CHD9: variants seen among roughly 807,000 people sequenced by gnomAD.
CHD9 encodes the protein ATP-dependent chromatin remodeler CHD9.
CHD9 carries 77 observed loss-of-function variants against 316.1 expected under a neutral mutation model. That is an observed-to-expected ratio of 0.24 (90% CI 0.20 to 0.29). The LOEUF (loss-of-function observed/expected upper bound fraction) is 0.29, where lower values mean the gene tolerates loss of function less well. Ranked by LOEUF, CHD9 falls within the 10% of genes least tolerant of loss-of-function variation. CHD9 has a pLI of 1.00. For missense variants in CHD9, 2,763 were observed against 3,438.1 expected, an observed-to-expected ratio of 0.80 and a Z score of 4.91; for synonymous variants, 1,129 against 1,158.3, an observed-to-expected ratio of 0.97 and a Z score of 0.51.
Position 53,316,055 on chromosome 16 carries a change from A to G in CHD9, c.7584+1011A>G, listed in dbSNP as rs543249921. The stretch of plus-strand genomic sequence containing the variant: ...TCAGGAGTCTGAGACCAGCCTGGCC[A>G]CAGGCCACCACATCCAGCTAATTTT... On this transcript the variant is annotated intron_variant, in intron 36 of 38. Coordinates refer to ENST00000447540, the MANE Select transcript of CHD9 (RefSeq NM_001308319.2). Among the ~76,000 whole-genome samples the G allele has an allele frequency of 2.0e-5, 3 of 152,216 alleles. No homozygotes were observed. The South Asian group carries it at 6.2e-4, about 32-fold the overall frequency.
Position 53,208,724 on chromosome 16 carries a change from A to G in CHD9, c.1453-758A>G, listed in dbSNP as rs887784537. 5 of 985,650 alleles carry G rather than the reference A, an allele frequency of 5.1e-6. No homozygotes were observed. The African/African-American group carries it at 8.7e-5, about 17-fold the overall frequency. The allele number at this position is 985,650 out of a possible 1,614,324, so 61.1% of individuals were successfully genotyped here. ...CATGTTTACGGGTAAGAACATAACA[A>G]AACTGTGATCTAAGTATATGTGGAT... On this transcript the variant is annotated intron_variant, in intron 2 of 38. Transcript: ENST00000447540.
At chr16:53,067,538 A>G (rs1026190632) in intron 1 of CHD9, among the ~76,000 whole-genome samples, 5 of 151,948 alleles carry the variant, frequency 3.3e-5, no homozygotes, top group African/African-American at 7.3e-5. Context: ...GACATTTTCT[A>G]TGAATTTTCT....
intron 1 of CHD9, among the ~76,000 whole-genome samples, chr16:53,057,000 T>C (rs992120989): frequency 3.9e-5 from 6 of 151,930 alleles, no homozygotes; most frequent in African/African-American, 1.5e-4. Context: ...TTATACACAT[T>C]GAATAATTCT....
At chr16:53,318,709 T>C (rs1342331130) in intron 37 of CHD9, among the ~76,000 whole-genome samples, 1 of 152,154 alleles carries the variant, frequency 6.6e-6, no homozygotes, top group Non-Finnish European at 1.5e-5. Flanking sequence ...GAGAAGATGC[T>C]ACTGGTATCT....
Position 53,247,509 on chromosome 16 carries a change from G to A in CHD9, c.3665+6G>A. The A allele has an allele frequency of 6.4e-7, 1 of 1,570,540 alleles. No individual in the cohort carries two copies. Among genetic ancestry groups the A allele is most frequent in the Non-Finnish European group, 8.7e-7 (1 of 1,151,054 alleles). On this transcript the variant is annotated splice_donor_region_variant and intron_variant, in intron 16 of 38. Transcript: ENST00000447540. ...GACTATCTCATACATAAAAGGTAAA[G>A]CATACTGAATTTACTGTGAATTATG...
At chr16:53,319,884 C>T (rs2057147510) in intron 37 of CHD9, 3 of 1,137,426 alleles carry the variant, frequency 2.6e-6, no homozygotes, top group Admixed American at 3.0e-5. Flanking sequence ...AAGAGGGCCT[C>T]CATTTTCAAT....
chr16:53,268,544 A>C (rs564641498), intron 22 of CHD9, among the ~76,000 whole-genome samples: 21 of 152,230 alleles, frequency 1.4e-4, no homozygotes, highest in Non-Finnish European at 2.8e-4. Context: ...CTCCTTGTGC[A>C]TATAAATAAA....
At chr16:53,271,204 C>T (rs2052223167) in intron 22 of CHD9, among the ~76,000 whole-genome samples, 1 of 151,748 alleles carries the variant, frequency 6.6e-6, no homozygotes, top group African/African-American at 2.4e-5. Flanking sequence ...ATTTGTCACA[C>T]TTAAATAAGA....
intron 12 of CHD9, among the ~76,000 whole-genome samples, chr16:53,241,144 ATAT>A (rs564271875): frequency 1.7e-3 from 259 of 152,320 alleles, no homozygotes; most frequent in African/African-American, 6.0e-3. Flanking sequence ...AATTAGGTTA[ATAT>A]TAATTAAAAT....
chr16:53,099,701 A>G (rs1332119903), intron 1 of CHD9, among the ~76,000 whole-genome samples: 3 of 151,718 alleles, frequency 2.0e-5, no homozygotes. Flanking sequence ...GCTGAGTCAC[A>G]CACCTCCCAG....
At position 53,209,753 on chromosome 16, in the gene CHD9, A is replaced by T; in HGVS notation, c.1724A>T (p.Lys575Met). 1 of 1,613,166 alleles carries T rather than the reference A, an allele frequency of 6.2e-7. No individual in the cohort carries two copies. Among genetic ancestry groups the T allele is most frequent in the Non-Finnish European group, 8.5e-7 (1 of 1,179,522 alleles). Residue 575 changes from lysine to methionine, a missense_variant, in exon 3 of 39, where the codon AAG (lysine) becomes ATG (methionine). Coordinates refer to ENST00000447540, the MANE Select transcript of CHD9 (RefSeq NM_001308319.2). ...GGTAGAAGGATGAAATCCAAGCCAA[A>T]GGACAAAGACAGCAAAAAAACAAAA... ...KKGRRMKSKP[K>M]DKDSKKTKTC...
chr16:53,301,834 C>A (rs1487909604), intron 30 of CHD9, among the ~76,000 whole-genome samples: 3 of 147,004 alleles, frequency 2.0e-5, no homozygotes, highest in Non-Finnish European at 4.5e-5. Flanking sequence ...GGCGTGATCT[C>A]GGCTCACTGC....
intron 18 of CHD9, among the ~76,000 whole-genome samples, chr16:53,255,347 A>G (rs1178897117): frequency 1.8e-4 from 28 of 152,174 alleles, no homozygotes; most frequent in Non-Finnish European, 1.5e-5. Context: ...AAGAACCTTG[A>G]AAGATGTTAC....
At chr16:53,259,609 C>T (rs559959468) in intron 19 of CHD9, among the ~76,000 whole-genome samples, 1 of 152,274 alleles carries the variant, frequency 6.6e-6, no homozygotes, top group East Asian at 1.9e-4. Context: ...ACTTCCTGGG[C>T]TCAAGTGATC....
At chr16:53,166,820 T>G (rs1320318783) in intron 2 of CHD9, among the ~76,000 whole-genome samples, 2 of 151,656 alleles carry the variant, frequency 1.3e-5, no homozygotes, top group African/African-American at 4.9e-5. Flanking sequence ...CTTTACAAAT[T>G]ATGGAAAGAG....
intron 1 of CHD9, among the ~76,000 whole-genome samples, chr16:53,143,752 ATAATT>A (rs1208002676): frequency 6.6e-6 from 1 of 152,146 alleles, no homozygotes; most frequent in Non-Finnish European, 1.5e-5. Flanking sequence ...GCTACTGAAA[ATAATT>A]TAGGATACTT....
In CHD9 at chr16:53,321,752, G is replaced by A. The variant is rs2057284387; in HGVS notation, c.7818+122G>A. ...AATTTGTGACAGCATTTTTCAGTTT[G>A]CAATTTTTATTTTGCAGTACATGTT... On this transcript the variant is annotated intron_variant, in intron 38 of 38. Transcript: ENST00000447540. 9.9e-6 allele frequency: 6 copies of A among 603,868 alleles called. No homozygotes were observed. In the South Asian group the frequency reaches 1.9e-4, roughly 19 times the overall value. The allele number at this position is 603,868 out of a possible 1,614,324, so 37.4% of individuals were successfully genotyped here.
chr16:53,221,420 T>C (rs1275932871), intron 3 of CHD9, among the ~76,000 whole-genome samples: 1 of 152,228 alleles, frequency 6.6e-6, no homozygotes, highest in Non-Finnish European at 1.5e-5. Flanking sequence ...AATTCTGATA[T>C]CTTTCTGATA....
intron 1 of CHD9, among the ~76,000 whole-genome samples, chr16:53,151,950 T>C (rs2041153414): frequency 6.7e-6 from 1 of 149,962 alleles, no homozygotes; most frequent in South Asian, 2.1e-4. Context: ...TTTCTTATTC[T>C]TTGTATGCTT....
Sources: allele counts gnomAD v4.1 joint callset (sites outside exome capture counted in the v4.1 genomes callset), GRCh38; gene constraint gnomAD v4.1.1; transcripts MANE v1.5; gene names NCBI Gene and HGNC (gene_info 2026-07-23, HGNC 2026-07-21).